OPCML: variants seen among roughly 807,000 people sequenced by gnomAD.
The protein encoded by OPCML is opioid-binding protein/cell adhesion molecule.
OPCML carries 13 observed loss-of-function variants against 37.8 expected under a neutral mutation model. The ratio of observed to expected loss-of-function variants is 0.34; its 90% confidence interval spans 0.22 to 0.55. The LOEUF is 0.55. Among genes scored for constraint, OPCML ranks in the 20% least tolerant of loss-of-function variants. The probability of loss-of-function intolerance (pLI) is 0.91; values close to 1 mark genes in which losing one functional copy is unlikely to be tolerated. For missense variants in OPCML, 341 were observed against 435.6 expected (o/e 0.78, Z 1.93); for synonymous variants, 176 against 168.8 (o/e 1.04, Z -0.33).
chr11:133,483,915 G>A lies in OPCML; in HGVS notation c.61+48349C>T, dbSNP rs140644996. Reference sequence around the variant, plus strand: ...TTTATAGATGAATAGATGATGGATAGATTCATAGATGAAAGATAGATAGAT... The same window carrying A: ...TTTATAGATGAATAGATGATGGATAAATTCATAGATGAAAGATAGATAGAT... On this transcript the variant is annotated intron_variant, in intron 1 of 7. Transcript: ENST00000524381. Among the ~76,000 whole-genome samples, 43 of 151,614 alleles carry A rather than the reference G, an allele frequency of 2.8e-4. 1 individual carries two copies. The East Asian group carries it at 7.8e-3, about 28-fold the overall frequency.
intron 1 of OPCML, among the ~76,000 whole-genome samples, chr11:133,120,881 C>G (rs7117370): frequency 0.48 from 73,453 of 151,802 alleles, 18,112 homozygotes; most frequent in East Asian, 0.57. Flanking sequence ...CTGATAGTCA[C>G]CCACAATTCT....
At chr11:133,308,972 G>A (rs917795929) in intron 1 of OPCML, among the ~76,000 whole-genome samples, 2 of 152,136 alleles carry the variant, frequency 1.3e-5, no homozygotes, top group Non-Finnish European at 2.9e-5. Context: ...ACGAATAAGT[G>A]AACACTTAAA....
chr11:132,516,787 C>T (rs1289115212), intron 4 of OPCML, among the ~76,000 whole-genome samples: 2 of 152,134 alleles, frequency 1.3e-5, no homozygotes, highest in Non-Finnish European at 2.9e-5. Context: ...ATTAAATAAA[C>T]ATTGTGCGCT....
At chr11:133,069,954 G>C (rs1427624949) in intron 1 of OPCML, among the ~76,000 whole-genome samples, 1 of 152,160 alleles carries the variant, frequency 6.6e-6, no homozygotes, top group African/African-American at 2.4e-5. Flanking sequence ...ATGAGCAAAA[G>C]CCAATCCCCA....
intron 1 of OPCML, among the ~76,000 whole-genome samples, chr11:133,270,776 G>A (rs949045472): frequency 6.6e-6 from 1 of 152,112 alleles, no homozygotes; most frequent in African/African-American, 2.4e-5. Flanking sequence ...CTTGCGACAC[G>A]TGTGACTCAT....
chr11:133,354,270 G>A (rs199681164), intron 1 of OPCML, among the ~76,000 whole-genome samples: 1,031 of 136,414 alleles, frequency 7.6e-3, no homozygotes, highest in South Asian at 0.012. Context: ...TGGTGGTAGT[G>A]GTGGTGATAG....
chr11:132,896,959 T>C (rs1372545439), intron 2 of OPCML, among the ~76,000 whole-genome samples: 2 of 152,212 alleles, frequency 1.3e-5, no homozygotes, highest in African/African-American at 4.8e-5. Flanking sequence ...AGTGGGCCTA[T>C]TTGAATTTTG....
chr11:132,627,403 T>C (rs898954995), intron 3 of OPCML, among the ~76,000 whole-genome samples: 1 of 152,244 alleles, frequency 6.6e-6, no homozygotes, highest in African/African-American at 2.4e-5. Context: ...GCTTTAGATA[T>C]ATTGAGCATT....
chr11:133,366,315 G>A (rs1461009122), intron 1 of OPCML, among the ~76,000 whole-genome samples: 1 of 152,172 alleles, frequency 6.6e-6, no homozygotes, highest in Non-Finnish European at 1.5e-5. Flanking sequence ...GTGGGTCACC[G>A]ACGTGAGGCT....
intron 3 of OPCML, among the ~76,000 whole-genome samples, chr11:132,622,931 A>G (rs1320013262): frequency 6.6e-6 from 1 of 152,180 alleles, no homozygotes; most frequent in Non-Finnish European, 1.5e-5. Flanking sequence ...CAGGCAACTC[A>G]TCGTATCTCT....
chr11:132,694,177 G>GTTTTT (rs1565781232), intron 2 of OPCML, among the ~76,000 whole-genome samples: 1 of 63,922 alleles, frequency 1.6e-5, no homozygotes, highest in African/African-American at 5.9e-5. Context: ...TGAAATCAAT[G>GTTTTT]TCTTTTTTTT....
At position 133,154,592 on chromosome 11, in the gene OPCML, AC is replaced by A. The variant is rs561885046; in HGVS notation, c.62-211583del. ...TAAAAAAGAATAGAAGTAAAAAAAAACAGTATCTTAACAAGCTGCCTGAAAA... is the reference window on the plus strand; with the variant it reads ...TAAAAAAGAATAGAAGTAAAAAAAAAAGTATCTTAACAAGCTGCCTGAAAA... On this transcript the variant is annotated intron_variant, in intron 1 of 7. Transcript: ENST00000524381. Among the ~76,000 whole-genome samples, 225 of 119,048 alleles carry A rather than the reference AC, an allele frequency of 1.9e-3. 3 individuals carry two copies. Among genetic ancestry groups the A allele is most frequent in the African/African-American group, 6.6e-3 (207 of 31,490 alleles). 78.1% of individuals were successfully genotyped at this position (119,048 alleles called of 152,430 possible).
intron 4 of OPCML, among the ~76,000 whole-genome samples, chr11:132,452,951 C>A (rs914731637): frequency 6.6e-6 from 1 of 152,120 alleles, no homozygotes; most frequent in African/African-American, 2.4e-5. Context: ...ACATATCTGA[C>A]CTTGCTTATA....
intron 4 of OPCML, among the ~76,000 whole-genome samples, chr11:132,526,878 C>G (rs982648937): frequency 9.9e-5 from 15 of 152,070 alleles, no homozygotes; most frequent in African/African-American, 3.1e-4. Context: ...GGCCCTTTGC[C>G]GTCACTTCTC....
intron 1 of OPCML, among the ~76,000 whole-genome samples, chr11:133,503,061 CAG>C (rs1421254190): frequency 1.3e-5 from 2 of 152,188 alleles, no homozygotes; most frequent in Non-Finnish European, 2.9e-5. Context: ...TGAAAGGACA[CAG>C]GGGATTTGAG....
At chr11:132,741,947 T>C (rs1030816692) in intron 2 of OPCML, among the ~76,000 whole-genome samples, 1 of 151,810 alleles carries the variant, frequency 6.6e-6, no homozygotes, top group African/African-American at 2.4e-5. Context: ...GAGAATCACT[T>C]GAACCCGGGA....
Position 132,420,171 on chromosome 11 carries a change from T to G in OPCML, c.*22A>C, listed in dbSNP as rs756901550. The G allele has an allele frequency of 5.3e-5, 85 of 1,609,982 alleles. No homozygotes were observed. Among genetic ancestry groups the G allele is most frequent in the Non-Finnish European group, 1.7e-6 (2 of 1,176,458 alleles). ...TGTGATATGGAGAAGCAGGCGTTGC[T>G]CAGAGGACCTAGGATTTCTTATCAA... On this transcript the variant is annotated 3_prime_UTR_variant, in exon 8 of 8. Transcript: ENST00000524381.
At chr11:133,079,399 A>G (rs376682985) in intron 1 of OPCML, among the ~76,000 whole-genome samples, 131 of 152,240 alleles carry the variant, frequency 8.6e-4, no homozygotes, top group African/African-American at 3.0e-3. Context: ...GCTGGAGTAG[A>G]TGGTGCTTCA....
Position 133,240,650 on chromosome 11 carries a change from C to T in OPCML, c.61+291614G>A, listed in dbSNP as rs572948543. 2.0e-5 allele frequency among the ~76,000 whole-genome samples: 3 copies of T among 152,260 alleles called. No homozygotes were observed. In the East Asian group the frequency reaches 5.8e-4, roughly 29 times the overall value. On this transcript the variant is annotated intron_variant, in intron 1 of 7. Coordinates refer to ENST00000524381, the MANE Select transcript of OPCML (RefSeq NM_001012393.5). ...GTCTTTGTCTAAACACTGACCTTGC[C>T]CCATGACTTTACTTCTATAGAGATT...
Sources: allele counts gnomAD v4.1 joint callset (sites outside exome capture counted in the v4.1 genomes callset), GRCh38; gene constraint gnomAD v4.1.1; transcripts MANE v1.5; gene names NCBI Gene and HGNC (gene_info 2026-07-23, HGNC 2026-07-21).